The following DIS3L2 variants were observed in gnomAD, a reference collection of about 807,000 sequenced individuals.
DIS3L2 encodes the protein DIS3 like 3'-5' exoribonuclease 2.
Under a neutral mutation model 97.5 loss-of-function variants are expected in DIS3L2, and 34 were observed. The observed-to-expected ratio is 0.35, with a 90% CI of 0.27 to 0.46. The LOEUF is 0.46. Ranked by LOEUF, DIS3L2 falls within the 20% of genes least tolerant of loss-of-function variation. The pLI, the probability that DIS3L2 is intolerant of heterozygous loss-of-function variation, is 1.00. For synonymous variants in DIS3L2, 435 were observed against 445.2 expected (o/e 0.98, Z 0.29); for missense variants, 1,038 against 1,146.0 (o/e 0.91, Z 1.36).
intron 9 of DIS3L2, among the ~76,000 whole-genome samples, chr2:232,188,590 G>T (rs963259174): frequency 1.3e-5 from 2 of 152,126 alleles, no homozygotes; most frequent in Non-Finnish European, 2.9e-5. Flanking sequence ...AATGGGTCAT[G>T]GGCTTAAGTA....
At chr2:232,089,077 A>G (rs567124567) in intron 6 of DIS3L2, among the ~76,000 whole-genome samples, 2 of 152,332 alleles carry the variant, frequency 1.3e-5, no homozygotes, top group Non-Finnish European at 2.9e-5. Flanking sequence ...CCCAGCGTAA[A>G]GAAAGCCGAA....
chr2:231,968,378 A>G (rs528924200), intron 1 of DIS3L2, among the ~76,000 whole-genome samples: 17 of 152,372 alleles, frequency 1.1e-4, no homozygotes, highest in African/African-American at 3.6e-4. Flanking sequence ...TACAGGCGTG[A>G]GCCACTGCGC....
chr2:232,278,262 T>C (rs1159710451), intron 13 of DIS3L2, among the ~76,000 whole-genome samples: 1 of 152,120 alleles, frequency 6.6e-6, no homozygotes, highest in Non-Finnish European at 1.5e-5. Context: ...TAGAATCTTA[T>C]AATACCTTAA....
At chr2:232,238,396 G>A (rs1200009153) in intron 10 of DIS3L2, 137 bp from the exon 11 acceptor site, 3 of 626,108 alleles carry the variant, frequency 4.8e-6, no homozygotes, top group South Asian at 2.2e-5. Flanking sequence ...AAGGAAGGAA[G>A]CAAGCAAGAC....
chr2:232,265,471 TAA>T (rs1467671055), intron 13 of DIS3L2, among the ~76,000 whole-genome samples: 3 of 152,214 alleles, frequency 2.0e-5, no homozygotes, highest in Non-Finnish European at 2.9e-5. Flanking sequence ...CTTCCCTCTG[TAA>T]AACGCAGTGA....
rs1300856064 is a variant in DIS3L2, at chr2:232,143,929, ATT to A, written c.950+7213_950+7214del. Among the ~76,000 whole-genome samples the A allele has an allele frequency of 7.2e-5, 11 of 152,164 alleles. No homozygotes were observed. The East Asian group carries it at 2.1e-3, about 29-fold the overall frequency. On this transcript the variant is annotated intron_variant, in intron 8 of 20. Transcript: ENST00000325385. ...ACCCATATTTATAACCCTAAATGTT[ATT>A]TTGTTTTGCTTGTTTTTGAACCTTT...
At chr2:232,197,028 C>T (rs993959335) in intron 9 of DIS3L2, among the ~76,000 whole-genome samples, 4 of 152,090 alleles carry the variant, frequency 2.6e-5, no homozygotes, top group Admixed American at 6.6e-5. Context: ...TGCATTTTAG[C>T]CTGATAAATG....
At chr2:232,339,835 A>T (rs771940834), downstream of DIS3L2, 6 of 419,430 alleles carry the variant, frequency 1.4e-5, no homozygotes, top group Non-Finnish European at 2.9e-5. Context: ...TGGGGAGAGG[A>T]GGTCTCTTCT....
intron 5 of DIS3L2, among the ~76,000 whole-genome samples, chr2:232,064,190 TA>T (rs1363220371): frequency 6.6e-6 from 1 of 152,208 alleles, no homozygotes; most frequent in East Asian, 1.9e-4. Flanking sequence ...AAGCATTCTT[TA>T]CTCCCGAAAA....
intron 14 of DIS3L2, among the ~76,000 whole-genome samples, chr2:232,310,506 T>G (rs1695095331): frequency 6.6e-6 from 1 of 152,224 alleles, no homozygotes; most frequent in African/African-American, 2.4e-5. Context: ...TGGCCGTGGC[T>G]CTCTATGCTC....
rs185726291 is a variant in DIS3L2, at chr2:232,277,682, A to G, written c.1659+14242A>G. On this transcript the variant is annotated intron_variant, in intron 13 of 20. Coordinates refer to ENST00000325385, the MANE Select transcript of DIS3L2 (RefSeq NM_152383.5). Reference sequence around the variant, plus strand: ...TTTTAGAGCTTTTGACTTTGAGATTACAGTCACACATTGCTTAATGACAGG... The same window carrying G: ...TTTTAGAGCTTTTGACTTTGAGATTGCAGTCACACATTGCTTAATGACAGG... 3.3e-5 allele frequency among the ~76,000 whole-genome samples: 5 copies of G among 152,344 alleles called. No individual in the cohort carries two copies. The East Asian group carries it at 9.6e-4, about 29-fold the overall frequency.
chr2:231,990,517 A>G (rs1418610043), intron 1 of DIS3L2, among the ~76,000 whole-genome samples: 1 of 152,252 alleles, frequency 6.6e-6, no homozygotes, highest in Non-Finnish European at 1.5e-5. Context: ...AATGCGGGAA[A>G]GAAACATGAG....
intron 9 of DIS3L2, among the ~76,000 whole-genome samples, chr2:232,170,540 A>G (rs1690953217): frequency 6.6e-6 from 1 of 152,200 alleles, no homozygotes; most frequent in African/African-American, 2.4e-5. Flanking sequence ...AGTGACCTCC[A>G]CCAGACCATT....
intron 6 of DIS3L2, among the ~76,000 whole-genome samples, chr2:232,122,550 C>G (rs925897960): frequency 2.0e-5 from 3 of 152,098 alleles, no homozygotes; most frequent in Non-Finnish European, 4.4e-5. Context: ...AACCCTGTCT[C>G]TACTAAAAAA....
At chr2:232,244,998 T>C (rs1693210402) in intron 11 of DIS3L2, among the ~76,000 whole-genome samples, 1 of 152,122 alleles carries the variant, frequency 6.6e-6, no homozygotes, top group African/African-American at 2.4e-5. Context: ...GGAGCTGGGA[T>C]AGTAGAAGTG....
At chr2:232,335,314 C>T (rs1224034315) in intron 19 of DIS3L2, 3 of 199,232 alleles carry the variant, frequency 1.5e-5, no homozygotes, top group Admixed American at 5.4e-5. Context: ...GTGCAGTAAA[C>T]GTGGTGTTCA....
At chr2:232,044,602 A>C (rs1695189412) in intron 5 of DIS3L2, among the ~76,000 whole-genome samples, 1 of 152,204 alleles carries the variant, frequency 6.6e-6, no homozygotes, top group Non-Finnish European at 1.5e-5. Context: ...GAAGGCATTT[A>C]GATATTAGGA....
At chr2:232,008,533 A>G (rs1032953351) in intron 1 of DIS3L2, among the ~76,000 whole-genome samples, 3 of 152,174 alleles carry the variant, frequency 2.0e-5, no homozygotes, top group African/African-American at 7.2e-5. Context: ...CTATGCTGGA[A>G]GCACTCCACA....
chr2:232,102,764 G>A (rs1697242093), intron 6 of DIS3L2, among the ~76,000 whole-genome samples: 1 of 152,184 alleles, frequency 6.6e-6, no homozygotes, highest in African/African-American at 2.4e-5. Flanking sequence ...GTTCGGTGTG[G>A]ATTTCAAGAG....
Sources: gnomAD v4.1 joint callset for allele counts (sites outside exome capture counted in the v4.1 genomes callset) on GRCh38, gnomAD v4.1.1 for gene constraint, MANE v1.5 for transcripts, NCBI Gene and HGNC (gene_info 2026-07-23, HGNC 2026-07-21) for gene names.